Variants in HS1BP3 observed in about 807,000 individuals in gnomAD.
HS1BP3 encodes the protein HCLS1-binding protein 3.
HS1BP3 carries 32 observed loss-of-function variants against 33.5 expected under a neutral mutation model. That is an observed-to-expected ratio of 0.95 (90% CI 0.72 to 1.28). The LOEUF is 1.28. HS1BP3 is among the 50% of genes most tolerant of loss of function. HS1BP3 has a pLI of 0.00. For synonymous variants in HS1BP3, 187 were observed against 209.2 expected, an observed-to-expected ratio of 0.89 and a Z score of 0.92; for missense variants, 486 against 502.3, an observed-to-expected ratio of 0.97 and a Z score of 0.31.
chr2:20,646,435 C>T (rs1222804244), intron 1 of HS1BP3, among the ~76,000 whole-genome samples: 3 of 152,214 alleles, frequency 2.0e-5, no homozygotes, highest in Non-Finnish European at 4.4e-5. Context: ...ATCCCCCTGC[C>T]CCAGCACTCC....
intron 2 of HS1BP3, among the ~76,000 whole-genome samples, chr2:20,600,535 G>A (rs763251701): frequency 2.9e-4 from 44 of 152,096 alleles, no homozygotes; most frequent in Non-Finnish European, 4.7e-4. Flanking sequence ...CTGAAATAAC[G>A]CAAATGTTCA....
chr2:20,599,653 G>GTTT (rs770228556), intron 2 of HS1BP3, among the ~76,000 whole-genome samples: 1 of 116,210 alleles, frequency 8.6e-6, no homozygotes, highest in African/African-American at 3.1e-5. Context: ...CACACACTCT[G>GTTT]TTTTTTTTTT....
intron 4 of HS1BP3, among the ~76,000 whole-genome samples, chr2:20,628,000 C>T (rs1694841068): frequency 6.6e-6 from 1 of 152,092 alleles, no homozygotes; most frequent in Non-Finnish European, 1.5e-5. Flanking sequence ...CTGTTAATCC[C>T]CAAGGCGGGA....
downstream of HS1BP3, among the ~76,000 whole-genome samples, chr2:20,559,444 G>A (rs1269575265): frequency 6.6e-6 from 1 of 152,184 alleles, no homozygotes; most frequent in Non-Finnish European, 1.5e-5. Flanking sequence ...ATGGACAGGT[G>A]GATAGATGGG....
At chr2:20,646,232 T>C (rs941907270) in intron 1 of HS1BP3, among the ~76,000 whole-genome samples, 4 of 152,216 alleles carry the variant, frequency 2.6e-5, no homozygotes, top group African/African-American at 9.6e-5. Context: ...GACACAGACC[T>C]GTGCAGACTA....
intron 6 of HS1BP3, among the ~76,000 whole-genome samples, chr2:20,622,022 C>T: frequency 6.6e-6 from 1 of 151,830 alleles, no homozygotes; most frequent in East Asian, 1.9e-4. Context: ...GAAGACAAGA[C>T]TCACCTAAAC....
intron 4 of HS1BP3, among the ~76,000 whole-genome samples, chr2:20,630,453 G>A (rs541502054): frequency 3.2e-3 from 487 of 152,178 alleles, no homozygotes; most frequent in Non-Finnish European, 3.9e-3. Context: ...TTTTTTTGTC[G>A]AGATGGAGTC....
At chr2:20,563,488 C>T (rs113052815) in intron 5 of HS1BP3, among the ~76,000 whole-genome samples, 3,231 of 152,366 alleles carry the variant, frequency 0.021, 57 homozygotes, top group Non-Finnish European at 0.034. Flanking sequence ...GGTCCGCAGA[C>T]TCAATAAGGA....
intron 5 of HS1BP3, among the ~76,000 whole-genome samples, chr2:20,575,112 G>C (rs1693368368): frequency 6.6e-6 from 1 of 152,226 alleles, no homozygotes; most frequent in Non-Finnish European, 1.5e-5. Context: ...TTCTGCACTT[G>C]CTACTCACCC....
chr2:20,637,042 C>T (rs1452457130), intron 4 of HS1BP3: 20 of 149,388 alleles, frequency 1.3e-4, no homozygotes, highest in African/African-American at 2.0e-4. Context: ...CCGCCCCCCC[C>T]GCCCCGCCAA....
chr2:20,590,369 C>G (rs576672686), downstream of HS1BP3, among the ~76,000 whole-genome samples: 1 of 152,340 alleles, frequency 6.6e-6, no homozygotes, highest in African/African-American at 2.4e-5. Flanking sequence ...TTGTTCTTTA[C>G]TGAGGCTGGA....
chr2:20,602,870 C>A (rs1002646407), intron 2 of HS1BP3, among the ~76,000 whole-genome samples: 2 of 152,012 alleles, frequency 1.3e-5, no homozygotes, highest in African/African-American at 2.4e-5. Context: ...AAGCTCTTTT[C>A]GAAAACTCAA....
chr2:20,575,523 C>T (rs1369975367), intron 5 of HS1BP3, among the ~76,000 whole-genome samples: 1 of 152,240 alleles, frequency 6.6e-6, no homozygotes, highest in Non-Finnish European at 1.5e-5. Context: ...CACACTCTGC[C>T]CACATATTTT....
intron 4 of HS1BP3, among the ~76,000 whole-genome samples, chr2:20,626,022 G>C (rs1694768565): frequency 6.6e-6 from 1 of 152,200 alleles, no homozygotes; most frequent in Non-Finnish European, 1.5e-5. Flanking sequence ...CCGTGTGCCT[G>C]TCCGCCTGGC....
chr2:20,647,612 C>A (rs961385234), intron 1 of HS1BP3, among the ~76,000 whole-genome samples: 2 of 152,150 alleles, frequency 1.3e-5, no homozygotes, highest in Non-Finnish European at 1.5e-5. Context: ...GTAAGCCCTC[C>A]GACGAGTCTG....
intron 5 of HS1BP3, among the ~76,000 whole-genome samples, chr2:20,569,580 T>A (rs752833326): frequency 6.6e-6 from 1 of 152,258 alleles, no homozygotes; most frequent in Non-Finnish European, 1.5e-5. Context: ...GAAATTCAAA[T>A]GTAACCAGTA....
At chr2:20,623,563 C>A (rs1558339320) in intron 6 of HS1BP3, 1 of 187,422 alleles carries the variant, frequency 5.3e-6, no homozygotes, top group Non-Finnish European at 1.1e-5. Flanking sequence ...TGTTCCCAAA[C>A]TTGCTTATGC....
At chr2:20,599,631 C>T (rs1694025102) in intron 2 of HS1BP3, among the ~76,000 whole-genome samples, 1 of 149,462 alleles carries the variant, frequency 6.7e-6, no homozygotes, top group African/African-American at 2.5e-5. Context: ...CACACACACA[C>T]ACACACACAC....
chr2:20,578,229 C>T (rs1273265465), intron 5 of HS1BP3, among the ~76,000 whole-genome samples: 1 of 152,212 alleles, frequency 6.6e-6, no homozygotes. Context: ...CAGTGCCTAG[C>T]GTCCTACCTG....
Sources: allele counts gnomAD v4.1 joint callset (sites outside exome capture counted in the v4.1 genomes callset), GRCh38; gene constraint gnomAD v4.1.1; transcripts MANE v1.5; gene names NCBI Gene and HGNC (gene_info 2026-07-23, HGNC 2026-07-21).